Variants in TMEM192 observed in about 807,000 individuals in gnomAD.
The protein encoded by TMEM192 is transmembrane protein 192.
TMEM192 carries 20 observed loss-of-function variants against 26.7 expected under a neutral mutation model. The observed-to-expected ratio is 0.75, with a 90% CI of 0.53 to 1.09. TMEM192 has a LOEUF of 1.09. TMEM192 is among the 50% of genes least tolerant of loss of function. The pLI is 0.00. For missense variants in TMEM192, 304 were observed against 322.6 expected, an observed-to-expected ratio of 0.94 and a Z score of 0.44; for synonymous variants, 124 against 121.0, an observed-to-expected ratio of 1.02 and a Z score of -0.16.
chr4:165,072,013 A>AGGGAGGATCATGAGGTC lies in TMEM192; in HGVS notation c.*7628_*7644dup. The AGGGAGGATCATGAGGTC allele has an allele frequency of 6.6e-6, 1 of 151,490 alleles. No individual in the cohort carries two copies. The highest frequency in any genetic ancestry group is 6.6e-5 in the Admixed American group (1 of 15,208). The allele number at this position is 151,490 out of a possible 1,614,324, so 9.4% of individuals were successfully genotyped here. A position where few individuals can be genotyped will look rare whatever the true frequency, so the allele number is the denominator to read the frequency against. ...ATCCCAGTACTTTGGGAGGCCAAGG[A>AGGGAGGATCATGAGGTC]GGGAGGATCATGAGGTCAGGAGTTC... is the stretch of plus-strand genomic sequence containing the variant. On this transcript the variant is annotated 3_prime_UTR_variant, in exon 6 of 6. Transcript: ENST00000306480.
chr4:165,112,607 C>T (rs1735321246), intron 1 of TMEM192, 140 bp downstream of exon 1: 1 of 1,294,668 alleles, frequency 7.7e-7, no homozygotes. Flanking sequence ...CCCAGGCCTC[C>T]CCGGGCACAG....
intron 3 of TMEM192, among the ~76,000 whole-genome samples, chr4:165,093,774 C>T (rs1734827870): frequency 6.6e-6 from 1 of 152,046 alleles, no homozygotes; most frequent in African/African-American, 2.4e-5. Context: ...ACTCTGTTGC[C>T]CAGGCTGGTG....
At chr4:165,095,881 TCTC>T (rs1413482038) in intron 3 of TMEM192, among the ~76,000 whole-genome samples, 1 of 151,542 alleles carries the variant, frequency 6.6e-6, no homozygotes, top group Non-Finnish European at 1.5e-5. Flanking sequence ...TTCAAGCAAT[TCTC>T]CTGCCTCAGC....
intron 1 of TMEM192, among the ~76,000 whole-genome samples, chr4:165,106,183 A>G (rs902824832): frequency 6.6e-6 from 1 of 152,186 alleles, no homozygotes; most frequent in African/African-American, 2.4e-5. Context: ...CCCTATAATC[A>G]TTACCATTCT....
At chr4:165,088,069 C>G (rs1442254869) in intron 4 of TMEM192, among the ~76,000 whole-genome samples, 1 of 152,044 alleles carries the variant, frequency 6.6e-6, no homozygotes, top group Non-Finnish European at 1.5e-5. Context: ...ACCACCATAC[C>G]TGGCTAATTT....
At chr4:165,112,462 G>A (rs545383677) in intron 1 of TMEM192, among the ~76,000 whole-genome samples, 8 of 152,322 alleles carry the variant, frequency 5.3e-5, no homozygotes, top group Admixed American at 5.2e-4. Context: ...CACGTGGGCT[G>A]GGCGCCAGCC....
Position 165,073,447 on chromosome 4 carries a change from A to C in TMEM192, c.*6211T>G, listed in dbSNP as rs935877350. 6.6e-6 allele frequency: 1 copy of C among 152,230 alleles called. No individual in the cohort carries two copies. Among genetic ancestry groups the C allele is most frequent in the Non-Finnish European group, 1.5e-5 (1 of 68,048 alleles). The allele number at this position is 152,230 out of a possible 1,614,324, so 9.4% of individuals were successfully genotyped here. A position where few individuals can be genotyped will look rare whatever the true frequency, so the allele number is the denominator to read the frequency against. On this transcript the variant is annotated 3_prime_UTR_variant, in exon 6 of 6. Transcript: ENST00000306480. ...CGGAAAGCCGCAGGGACCTCTGCCC[A>C]AGAAAGCCTGGGTATTGTCCAAGGT... is the stretch of plus-strand genomic sequence containing the variant.
rs746828895 is a variant in TMEM192 at position 165,085,576 on chromosome 4, TAA to T, written c.677+8_677+9del. ...AAAACTCAATTATTTTATTCTCACC[TAA>T]ATCTTACCTGAATCCAGTCTCCGAG... is the stretch of plus-strand genomic sequence containing the variant. On this transcript the variant is annotated splice_region_variant and intron_variant, in intron 5 of 5. Coordinates refer to ENST00000306480, the MANE Select transcript of TMEM192 (RefSeq NM_001100389.2). 1 of 1,582,736 alleles carries T rather than the reference TAA, an allele frequency of 6.3e-7. No homozygotes were observed. Among genetic ancestry groups the T allele is most frequent in the South Asian group, 1.2e-5 (1 of 86,204 alleles).
At chr4:165,106,935 G>A (rs549309659) in intron 1 of TMEM192, among the ~76,000 whole-genome samples, 1 of 152,066 alleles carries the variant, frequency 6.6e-6, no homozygotes, top group East Asian at 1.9e-4. Flanking sequence ...ATCCTAATAC[G>A]ATCCCCAAAT....
At chr4:165,099,915 T>C (rs1265028472) in intron 3 of TMEM192, among the ~76,000 whole-genome samples, 1 of 152,118 alleles carries the variant, frequency 6.6e-6, no homozygotes, top group African/African-American at 2.4e-5. Flanking sequence ...CCCCACTGCC[T>C]TTCAGTCTTG....
intron 3 of TMEM192, 148 bp from the exon 4 acceptor site, chr4:165,088,750 A>C (rs900532919): frequency 1.3e-6 from 1 of 784,560 alleles, no homozygotes; most frequent in Non-Finnish European, 1.9e-6. Flanking sequence ...TCAGAAATGA[A>C]GACCCAGGCC....
At chr4:165,085,503 C>T in intron 5 of TMEM192, 83 bp downstream of exon 5, 2 of 880,056 alleles carry the variant, frequency 2.3e-6, no homozygotes, top group Non-Finnish European at 3.6e-6. Flanking sequence ...TACAAATACA[C>T]AATCATAAAT....
At chr4:165,094,513 C>T (rs985646969) in intron 3 of TMEM192, among the ~76,000 whole-genome samples, 6 of 151,790 alleles carry the variant, frequency 4.0e-5, no homozygotes, top group Admixed American at 6.6e-5. Context: ...CAAAATTAGA[C>T]GGGTGGGGCG....
At chr4:165,094,082 G>A (rs1734835648) in intron 3 of TMEM192, among the ~76,000 whole-genome samples, 1 of 151,958 alleles carries the variant, frequency 6.6e-6, no homozygotes, top group East Asian at 1.9e-4. Flanking sequence ...TGTATTTTTA[G>A]TAGAGAGGGG....
At chr4:165,080,363 C>T (rs546152774) in intron 5 of TMEM192, among the ~76,000 whole-genome samples, 1 of 152,136 alleles carries the variant, frequency 6.6e-6, no homozygotes, top group African/African-American at 2.4e-5. Flanking sequence ...ACTTCGGTCT[C>T]ACTGCTCAGA....
At chr4:165,090,474 C>G (rs1233194093) in intron 3 of TMEM192, among the ~76,000 whole-genome samples, 2 of 152,094 alleles carry the variant, frequency 1.3e-5, no homozygotes, top group African/African-American at 4.8e-5. Flanking sequence ...GACAGAAGCT[C>G]CTGTACTTGG....
chr4:165,080,859 C>T (rs528414598), intron 5 of TMEM192, among the ~76,000 whole-genome samples: 8 of 151,902 alleles, frequency 5.3e-5, no homozygotes, highest in Admixed American at 6.6e-5. Context: ...AGATTACAGG[C>T]GCCTGCCACC....
intron 1 of TMEM192, among the ~76,000 whole-genome samples, chr4:165,106,278 A>G (rs1735156694): frequency 6.6e-6 from 1 of 152,126 alleles, no homozygotes; most frequent in African/African-American, 2.4e-5. Flanking sequence ...CTCTATTCTC[A>G]CTATCTTAGT....
chr4:165,090,461 G>A (rs932957842), intron 3 of TMEM192, among the ~76,000 whole-genome samples: 1 of 151,912 alleles, frequency 6.6e-6, no homozygotes, highest in Admixed American at 6.6e-5. Flanking sequence ...CCAACTCCAC[G>A]TGGACAGAAG....
Sources: gnomAD v4.1 joint callset for allele counts (sites outside exome capture counted in the v4.1 genomes callset) on GRCh38, gnomAD v4.1.1 for gene constraint, MANE v1.5 for transcripts, NCBI Gene and HGNC (gene_info 2026-07-23, HGNC 2026-07-21) for gene names.